C4orf51: variants seen among roughly 807,000 people sequenced by gnomAD.
The protein encoded by C4orf51 is chromosome 4 open reading frame 51.
A neutral mutation model predicts 25.2 loss-of-function variants in C4orf51; 25 were observed. The ratio of observed to expected loss-of-function variants is 0.99; its 90% CI spans 0.72 to 1.39. C4orf51 has a LOEUF of 1.39. Among genes scored for constraint, C4orf51 ranks in the 40% most tolerant of loss-of-function variants. The probability of loss-of-function intolerance (pLI) is 0.00; values close to 1 mark genes in which losing one functional copy is unlikely to be tolerated. For synonymous variants in C4orf51, 100 were observed against 84.5 expected (o/e 1.18, Z -1.01); for missense variants, 252 against 239.6 (o/e 1.05, Z -0.34).
At chr4:145,787,203 G>A in the C4orf51 span, among the ~76,000 whole-genome samples, 1 of 152,190 alleles carries the variant, frequency 6.6e-6, no homozygotes, top group Non-Finnish European at 1.5e-5. Context: ...AGTGGCTCAG[G>A]CCTGTAATCC....
At chr4:145,724,729 T>A (rs1186332973) in intron 2 of C4orf51, among the ~76,000 whole-genome samples, 24 of 151,146 alleles carry the variant, frequency 1.6e-4, no homozygotes, top group Admixed American at 1.5e-3. Flanking sequence ...GACAAATTTT[T>A]AAAAATTAAC....
At chr4:145,764,737 G>C (rs11939704) in intron 1 of C4orf51, 2 of 523,294 alleles carry the variant, frequency 3.8e-6, no homozygotes, top group Non-Finnish European at 3.4e-6. Context: ...TTGTTTCAAC[G>C]TGTCTTTTTT....
chr4:145,726,696 G>A (rs376817700), intron 2 of C4orf51, among the ~76,000 whole-genome samples: 1 of 152,080 alleles, frequency 6.6e-6, no homozygotes, highest in Non-Finnish European at 1.5e-5. Context: ...CATGAGCCAC[G>A]GTGTCTGGCC....
chr4:145,774,666 G>A (rs76077920), downstream of C4orf51: 1,795 of 1,613,490 alleles, frequency 1.1e-3, 5 homozygotes, highest in East Asian at 0.015. Flanking sequence ...ATCCACACAC[G>A]TGACAACTAC....
At chr4:145,734,949 T>C (rs1579012024), downstream of C4orf51, among the ~76,000 whole-genome samples, 2 of 152,290 alleles carry the variant, frequency 1.3e-5, no homozygotes, top group East Asian at 3.9e-4. Flanking sequence ...CGGTTCAGTC[T>C]GATAAAGCAG....
At chr4:145,698,233 A>G (rs1160756022) in intron 2 of C4orf51, among the ~76,000 whole-genome samples, 1 of 152,226 alleles carries the variant, frequency 6.6e-6, no homozygotes, top group African/African-American at 2.4e-5. Flanking sequence ...GTCTCAATCA[A>G]TTTAGAAAGT....
the C4orf51 span, among the ~76,000 whole-genome samples, chr4:145,787,457 G>C: frequency 3.7e-5 from 5 of 136,682 alleles, no homozygotes; most frequent in African/African-American, 1.4e-4. Flanking sequence ...GTGAGACTCC[G>C]TCTCAGGAAA....
intron 1 of C4orf51, among the ~76,000 whole-genome samples, chr4:145,742,312 C>T (rs1204835266): frequency 6.6e-6 from 1 of 151,892 alleles, no homozygotes; most frequent in Admixed American, 6.6e-5. Flanking sequence ...TTGACAACTC[C>T]TCCTCTTTCT....
rs1487709042 is a variant in C4orf51, at chr4:145,696,601, G to C, written c.276G>C (p.Trp92Cys). 1 of 1,613,644 alleles carries C rather than the reference G, an allele frequency of 6.2e-7. No homozygotes were observed. The highest frequency in any genetic ancestry group is 2.2e-5 in the East Asian group (1 of 44,874). The part of the protein sequence containing the change: ...TNSSACHLLC[W>C]AGTQETTDIK... ...GTTCTGCCTGTCATCTTCTCTGCTGGGCTGGTACCCAAGAGACTACAGATA... is the reference window on the plus strand; with the variant it reads ...GTTCTGCCTGTCATCTTCTCTGCTGCGCTGGTACCCAAGAGACTACAGATA... The change falls in exon 2 of 6, where the codon TGG becomes TGC. Residue 92 changes from tryptophan (W) to cysteine (C), a missense_variant. Physicochemically the swap from Trp to Cys is radical, Grantham distance 215. Transcript: ENST00000438731.
At chr4:145,722,876 G>A (rs990500962) in intron 2 of C4orf51, among the ~76,000 whole-genome samples, 1 of 152,158 alleles carries the variant, frequency 6.6e-6, no homozygotes, top group Non-Finnish European at 1.5e-5. Flanking sequence ...GCATGCAAAG[G>A]ATCTGGGCTG....
intron 1 of C4orf51, among the ~76,000 whole-genome samples, chr4:145,683,855 A>G (rs1257756187): frequency 6.6e-6 from 1 of 152,378 alleles, no homozygotes; most frequent in African/African-American, 2.4e-5. Flanking sequence ...GATATTTTAG[A>G]TACAACACCA....
At chr4:145,682,774 T>C (rs1728914978) in intron 1 of C4orf51, among the ~76,000 whole-genome samples, 1 of 152,150 alleles carries the variant, frequency 6.6e-6, no homozygotes, top group South Asian at 2.1e-4. Context: ...TAAGCTATTA[T>C]GAAATATTGG....
downstream of C4orf51, among the ~76,000 whole-genome samples, chr4:145,736,135 GC>G (rs1399395252): frequency 5.3e-5 from 8 of 152,148 alleles, no homozygotes; most frequent in African/African-American, 1.9e-4. Flanking sequence ...AGGCACAGGG[GC>G]TTGAACACGT....
At chr4:145,757,579 C>T (rs75575516), downstream of C4orf51, 241 of 150,124 alleles carry the variant, frequency 1.6e-3, 1 homozygote, top group African/African-American at 5.5e-3. Flanking sequence ...ACCCTGAGAC[C>T]AACAAGCAGC....
At chr4:145,691,992 T>G (rs1729606990) in intron 1 of C4orf51, among the ~76,000 whole-genome samples, 1 of 85,382 alleles carries the variant, frequency 1.2e-5, no homozygotes, top group Admixed American at 1.3e-4. Context: ...GGAATGTAAG[T>G]TGATATTGCT....
chr4:145,774,397 G>T, downstream of C4orf51: 2 of 1,255,784 alleles, frequency 1.6e-6, no homozygotes, highest in Non-Finnish European at 2.2e-6. Flanking sequence ...TTCCATGGAA[G>T]GAAAAGGGCA....
chr4:145,689,822 G>A (rs1252232638), intron 1 of C4orf51, among the ~76,000 whole-genome samples: 1 of 152,090 alleles, frequency 6.6e-6, no homozygotes, highest in Non-Finnish European at 1.5e-5. Context: ...ATATGCAGAA[G>A]AAGAAAGCTG....
At chr4:145,734,235 A>G (rs974187179), downstream of C4orf51, among the ~76,000 whole-genome samples, 1 of 152,240 alleles carries the variant, frequency 6.6e-6, no homozygotes, top group African/African-American at 2.4e-5. Flanking sequence ...CACGTGGGTT[A>G]GGGCTTGTGT....
At chr4:145,697,974 C>T (rs1730179251) in intron 2 of C4orf51, among the ~76,000 whole-genome samples, 1 of 152,200 alleles carries the variant, frequency 6.6e-6, no homozygotes, top group Admixed American at 6.5e-5. Context: ...CCTTTTCACA[C>T]ATCTTTGATA....
Sources: allele counts gnomAD v4.1 joint callset (sites outside exome capture counted in the v4.1 genomes callset), GRCh38; gene constraint gnomAD v4.1.1; transcripts MANE v1.5; gene names NCBI Gene and HGNC (gene_info 2026-07-23, HGNC 2026-07-21).